ZNF487: variants seen among roughly 807,000 people sequenced by gnomAD.
ZNF487 encodes zinc finger protein 487.
ZNF487 carries 4 observed loss-of-function variants against 3.0 expected under a neutral mutation model. That is an observed-to-expected ratio of 1.35 (90% CI 0.66 to 3.08). The LOEUF is 3.08. Ranked by LOEUF, ZNF487 falls within the 30% of genes most tolerant of loss-of-function variation. ZNF487 has a pLI of 0.01. For missense variants in ZNF487, 146 were observed against 98.7 expected, an observed-to-expected ratio of 1.48 and a Z score of -2.03; for synonymous variants, 55 against 34.6, an observed-to-expected ratio of 1.59 and a Z score of -2.06.
chr10:43,506,509 T>TAAATA, the ZNF487 span, among the ~76,000 whole-genome samples: 2 of 151,938 alleles, frequency 1.3e-5, no homozygotes, highest in African/African-American at 4.8e-5. Context: ...ATCTCTAAAA[T>TAAATA]AAATAAAATA....
At chr10:43,481,340 A>T in intron 3 of ZNF487, 89 bp from the exon 4 acceptor site, 1 of 629,214 alleles carries the variant, frequency 1.6e-6, no homozygotes, top group South Asian at 2.0e-5. Context: ...GCCAAAAAAA[A>T]AAAGAAAAAA....
Position 43,483,008 on chromosome 10 carries a change from T to C in ZNF487, c.*1086T>C. ...CAAGGGAGCAACCCTATGAATATAA[T>C]GAAAGCTTTTACCAGAATCCCAACT... On this transcript the variant is annotated 3_prime_UTR_variant, in exon 4 of 4. Transcript: ENST00000437590. 1 of 488,594 alleles carries C rather than the reference T, an allele frequency of 2.0e-6. No homozygotes were observed. The highest frequency in any genetic ancestry group is 1.5e-5 in the South Asian group (1 of 67,398). 30.3% of individuals were successfully genotyped at this position (488,594 alleles called of 1,614,324 possible). A position where few individuals can be genotyped will look rare whatever the true frequency, so the allele number is the denominator to read the frequency against.
intron 1 of ZNF487, among the ~76,000 whole-genome samples, chr10:43,442,024 A>C (rs1198581182): frequency 2.0e-5 from 3 of 152,086 alleles, no homozygotes; most frequent in Admixed American, 6.6e-5. Flanking sequence ...GGAGTTCAAG[A>C]CCAGTCTGGC....
At chr10:43,510,983 G>T in the ZNF487 span, among the ~76,000 whole-genome samples, 1 of 152,248 alleles carries the variant, frequency 6.6e-6, no homozygotes, top group South Asian at 2.1e-4. Flanking sequence ...AGACCTCTAG[G>T]CCAGCAGAAC....
At chr10:43,480,081 C>G (rs1369470287) in intron 3 of ZNF487, among the ~76,000 whole-genome samples, 1 of 124,652 alleles carries the variant, frequency 8.0e-6, no homozygotes, top group Non-Finnish European at 1.7e-5. Context: ...TCCTTCCTTC[C>G]TTCTTTCTTT....
chr10:43,513,201 G>A, the ZNF487 span, among the ~76,000 whole-genome samples: 1 of 152,226 alleles, frequency 6.6e-6, no homozygotes, highest in African/African-American at 2.4e-5. Context: ...ATGACACAAA[G>A]CCAGAGAATT....
At chr10:43,492,675 G>C in the ZNF487 span, among the ~76,000 whole-genome samples, 44 of 152,026 alleles carry the variant, frequency 2.9e-4, no homozygotes, top group African/African-American at 1.1e-3. Flanking sequence ...GAATGATTTC[G>C]ATTTCCTGAC....
At chr10:43,472,758 T>C (rs765745321) in intron 1 of ZNF487, among the ~76,000 whole-genome samples, 2 of 152,210 alleles carry the variant, frequency 1.3e-5, no homozygotes, top group Non-Finnish European at 2.9e-5. Flanking sequence ...ACCACCTTTG[T>C]CTTTGTACCA....
the ZNF487 span, among the ~76,000 whole-genome samples, chr10:43,503,534 C>G: frequency 6.6e-6 from 1 of 152,174 alleles, no homozygotes; most frequent in South Asian, 2.1e-4. Context: ...GACTGACTCA[C>G]CCAGAGCAAC....
chr10:43,483,936 C>T (rs1044285064), downstream of ZNF487, among the ~76,000 whole-genome samples: 1 of 152,100 alleles, frequency 6.6e-6, no homozygotes, highest in Non-Finnish European at 1.5e-5. Flanking sequence ...ACTGCAACGT[C>T]CGCCTCCCTG....
At chr10:43,468,402 G>A (rs1258448592) in intron 1 of ZNF487, among the ~76,000 whole-genome samples, 4 of 152,102 alleles carry the variant, frequency 2.6e-5, no homozygotes, top group Admixed American at 6.6e-5. Flanking sequence ...AGAGCCGGCC[G>A]GGTGCAGTGG....
At chr10:43,457,613 G>A (rs1840264216) in intron 1 of ZNF487, among the ~76,000 whole-genome samples, 1 of 146,664 alleles carries the variant, frequency 6.8e-6, no homozygotes, top group Non-Finnish European at 1.5e-5. Context: ...TCGCTTGAAC[G>A]CGCGAGTTGG....
intron 1 of ZNF487, among the ~76,000 whole-genome samples, chr10:43,449,176 G>A (rs921932181): frequency 2.6e-5 from 4 of 151,964 alleles, no homozygotes; most frequent in Admixed American, 6.6e-5. Context: ...GCGTGGGCCT[G>A]TAATCCCAGC....
intron 1 of ZNF487, among the ~76,000 whole-genome samples, chr10:43,460,998 C>G (rs1343344258): frequency 6.7e-6 from 1 of 150,198 alleles, no homozygotes; most frequent in Non-Finnish European, 1.5e-5. Flanking sequence ...CCGGCCTCTT[C>G]TAATATCTTA....
intron 1 of ZNF487, among the ~76,000 whole-genome samples, chr10:43,440,473 A>G (rs1020006598): frequency 2.0e-5 from 3 of 152,154 alleles, no homozygotes; most frequent in African/African-American, 4.8e-5. Flanking sequence ...CCTGTTCAAC[A>G]TGGTAAAACC....
intron 1 of ZNF487, among the ~76,000 whole-genome samples, chr10:43,441,192 C>T (rs1010754823): frequency 6.6e-6 from 1 of 151,480 alleles, no homozygotes; most frequent in African/African-American, 2.4e-5. Flanking sequence ...CTTTCAAACT[C>T]CTAACCTCAA....
chr10:43,450,545 G>A (rs1218541999), intron 1 of ZNF487, among the ~76,000 whole-genome samples: 1 of 151,038 alleles, frequency 6.6e-6, no homozygotes, highest in Non-Finnish European at 1.5e-5. Context: ...GTAGAGACGG[G>A]GTTTCACCAT....
At chr10:43,470,334 CT>C (rs1288200378) in intron 1 of ZNF487, among the ~76,000 whole-genome samples, 1 of 151,784 alleles carries the variant, frequency 6.6e-6, no homozygotes, top group African/African-American at 2.4e-5. Flanking sequence ...CCACCTTAGC[CT>C]CCTGAGTAGC....
chr10:43,480,028 TTTC>T (rs1472467813), intron 3 of ZNF487, among the ~76,000 whole-genome samples: 3 of 65,270 alleles, frequency 4.6e-5, no homozygotes, highest in East Asian at 1.0e-3. Context: ...TCTTTCTTTC[TTTC>T]TTTCTTTCTT....
Sources: allele counts gnomAD v4.1 joint callset (sites outside exome capture counted in the v4.1 genomes callset), GRCh38; gene constraint gnomAD v4.1.1; transcripts MANE v1.5; gene names NCBI Gene and HGNC (gene_info 2026-07-23, HGNC 2026-07-21).